Variants in TXNRD1 observed in about 807,000 individuals in gnomAD.
TXNRD1 encodes thioredoxin reductase 1, cytoplasmic.
A neutral mutation model predicts 80.3 loss-of-function variants in TXNRD1; 57 were observed. The ratio of observed to expected loss-of-function variants is 0.71; its 90% CI spans 0.57 to 0.89. The LOEUF (loss-of-function observed/expected upper bound fraction) is 0.89, where lower values mean the gene tolerates loss of function less well. Among genes scored for constraint, TXNRD1 ranks in the 40% least tolerant of loss-of-function variants. TXNRD1 has a pLI of 0.00. For missense variants in TXNRD1, 730 were observed against 803.0 expected (o/e 0.91, Z 1.10); for synonymous variants, 291 against 285.2 (o/e 1.02, Z -0.20).
chr12:104,251,753 C>T (rs1227020451), intron 2 of TXNRD1, 75 bp downstream of exon 2: 5 of 1,541,076 alleles, frequency 3.2e-6, no homozygotes, highest in Non-Finnish European at 4.4e-6. Flanking sequence ...ATGTAAACAA[C>T]TGGATTTTAC....
chr12:104,226,672 C>T (rs1041133403), intron 1 of TXNRD1, among the ~76,000 whole-genome samples: 4 of 152,174 alleles, frequency 2.6e-5, no homozygotes, highest in Admixed American at 2.0e-4. Context: ...CCTTAGTTCC[C>T]TCATTTGCAA....
intron 1 of TXNRD1, among the ~76,000 whole-genome samples, chr12:104,236,717 A>T (rs1197333152): frequency 1.4e-5 from 2 of 146,834 alleles, no homozygotes; most frequent in Admixed American, 1.4e-4. Flanking sequence ...TGAACCCAGG[A>T]GGCAGAGCTG....
intron 4 of TXNRD1, chr12:104,304,544 A>C: frequency 6.2e-7 from 1 of 1,614,056 alleles, no homozygotes; most frequent in Admixed American, 1.7e-5. Flanking sequence ...CATGCCTACA[A>C]AGTTGCAGAA....
At chr12:104,318,673 G>A (rs2035416155) in intron 7 of TXNRD1, among the ~76,000 whole-genome samples, 1 of 152,176 alleles carries the variant, frequency 6.6e-6, no homozygotes, top group African/African-American at 2.4e-5. Flanking sequence ...AAAAGTTTGT[G>A]TATTGTTATT....
chr12:104,309,992 G>T (rs535291999), intron 4 of TXNRD1: 2 of 1,536,108 alleles, frequency 1.3e-6, no homozygotes, highest in Admixed American at 2.0e-5. Flanking sequence ...TTGCTCCACC[G>T]CACCCCCTTC....
chr12:104,266,177 T>C (rs919396531), intron 3 of TXNRD1, among the ~76,000 whole-genome samples: 10 of 152,122 alleles, frequency 6.6e-5, no homozygotes, highest in African/African-American at 9.7e-5. Context: ...TAAATTGTAG[T>C]CACTGTGTTG....
intron 3 of TXNRD1, among the ~76,000 whole-genome samples, chr12:104,259,605 C>T (rs896459097): frequency 6.7e-6 from 1 of 150,354 alleles, no homozygotes; most frequent in African/African-American, 2.5e-5. Flanking sequence ...AATTCTCCTG[C>T]CTCAGCCTCC....
At chr12:104,304,341 C>T in intron 4 of TXNRD1, 1 of 1,614,000 alleles carries the variant, frequency 6.2e-7, no homozygotes, top group Non-Finnish European at 8.5e-7. Context: ...GAAGGCGATC[C>T]TGACAAGTTG....
At chr12:104,288,689 C>T (rs2034059786) in intron 3 of TXNRD1, 2 of 1,310,814 alleles carry the variant, frequency 1.5e-6, no homozygotes, top group Non-Finnish European at 2.0e-6. Flanking sequence ...CTGACGTTTA[C>T]AGCTAGCCTT....
chr12:104,328,437 G>A (rs1027026697), intron 13 of TXNRD1, among the ~76,000 whole-genome samples: 9 of 151,944 alleles, frequency 5.9e-5, no homozygotes, highest in Non-Finnish European at 1.2e-4. Context: ...CACTATTCAG[G>A]CCTTATTACC....
intron 10 of TXNRD1, among the ~76,000 whole-genome samples, chr12:104,322,603 C>T (rs2135835574): frequency 6.6e-6 from 1 of 152,106 alleles, no homozygotes; most frequent in South Asian, 2.1e-4. Flanking sequence ...TGGTCTTGAA[C>T]TCCTGACCTC....
intron 1 of TXNRD1, among the ~76,000 whole-genome samples, chr12:104,240,990 C>A (rs2032847848): frequency 6.6e-6 from 1 of 151,670 alleles, no homozygotes; most frequent in South Asian, 2.1e-4. Flanking sequence ...ATCCGCCCGC[C>A]TCGGCCTCTC....
chr12:104,231,671 T>TG (rs1565854123), intron 1 of TXNRD1, among the ~76,000 whole-genome samples: 2 of 152,192 alleles, frequency 1.3e-5, no homozygotes, highest in South Asian at 4.1e-4. Flanking sequence ...AATTTCCCTC[T>TG]GGGGGGTGTC....
chr12:104,236,129 C>T (rs1055539900), intron 1 of TXNRD1, among the ~76,000 whole-genome samples: 1 of 152,138 alleles, frequency 6.6e-6, no homozygotes, highest in Non-Finnish European at 1.5e-5. Context: ...GGAAGTATAT[C>T]TTGGGAAATA....
chr12:104,295,496 G>A (rs1000581891), intron 4 of TXNRD1, among the ~76,000 whole-genome samples: 46 of 152,258 alleles, frequency 3.0e-4, no homozygotes, highest in African/African-American at 1.1e-3. Flanking sequence ...TCCTTAGCTT[G>A]GTATTCAATG....
intron 3 of TXNRD1, among the ~76,000 whole-genome samples, chr12:104,284,614 A>G (rs2033937319): frequency 6.6e-6 from 1 of 152,252 alleles, no homozygotes; most frequent in Non-Finnish European, 1.5e-5. Flanking sequence ...TACCTACTAT[A>G]TACCAGATTC....
chr12:104,299,961 A>C (rs972941983), intron 4 of TXNRD1, among the ~76,000 whole-genome samples: 7 of 152,180 alleles, frequency 4.6e-5, no homozygotes. Flanking sequence ...TATTAGGATA[A>C]GTGTATATGT....
At chr12:104,323,399 G>A (rs1282309894) in intron 10 of TXNRD1, among the ~76,000 whole-genome samples, 1 of 147,362 alleles carries the variant, frequency 6.8e-6, no homozygotes, top group Admixed American at 6.7e-5. Context: ...CTGGCCGGGC[G>A]GGGGGCTGAC....
At chr12:104,257,879 T>G in intron 2 of TXNRD1, 140 bp from the exon 3 acceptor site, 3 of 647,776 alleles carry the variant, frequency 4.6e-6, no homozygotes, top group Non-Finnish European at 8.1e-6. Flanking sequence ...GAGAATCTTA[T>G]GGGTTACATA....
Sources: allele counts gnomAD v4.1 joint callset (sites outside exome capture counted in the v4.1 genomes callset), GRCh38; gene constraint gnomAD v4.1.1; transcripts MANE v1.5; gene names NCBI Gene and HGNC (gene_info 2026-07-23, HGNC 2026-07-21).